SHLD3: variants seen among roughly 807,000 people sequenced by gnomAD.
The protein encoded by SHLD3 is shieldin complex subunit 3.
In SHLD3, 15 loss-of-function variants were observed where a neutral mutation model predicts 21.4. The observed-to-expected ratio is 0.70, with a 90% CI of 0.47 to 1.08. SHLD3 has a LOEUF of 1.08. Ranked by LOEUF, SHLD3 falls within the 50% of genes least tolerant of loss-of-function variation. SHLD3 has a pLI of 0.00. For synonymous variants in SHLD3, 103 were observed against 97.2 expected (o/e 1.06, Z -0.35); for missense variants, 273 against 286.1 (o/e 0.95, Z 0.33).
In SHLD3 at chr5:65,629,857, A is replaced by G. The variant is rs184766347; in HGVS notation, c.270A>G (p.Leu90=). Residue 90 remains leucine (L), a synonymous_variant, in exon 2 of 2, where the codon CTA becomes CTG. Coordinates refer to ENST00000510585, the MANE Select transcript of SHLD3 (RefSeq NM_001365341.2). ...KSHSYDCTVD[L]LEFQPSLKKQ... ...ACAGTTATGATTGCACAGTAGATCT[A>G]TTGGAGTTTCAACCTAGCTTGAAAA... 9.8e-6 allele frequency: 15 copies of G among 1,536,088 alleles called. No homozygotes were observed. The highest frequency in any genetic ancestry group is 2.0e-5 in the Admixed American group (1 of 50,998).
intron 1 of SHLD3, 146 bp downstream of exon 1, chr5:65,625,252 A>G: frequency 5.7e-6 from 4 of 699,204 alleles, no homozygotes; most frequent in Non-Finnish European, 1.0e-5. Flanking sequence ...GGAGGAAGCG[A>G]TTTCTCCTGG....
chr5:65,629,600 G>T lies in SHLD3; in HGVS notation c.13G>T (p.Val5Leu), dbSNP rs1267774077. MTTEVILHYRPCESD... is the reference protein window; with the variant it reads MTTELILHYRPCESD... ...GGATTACTGCAGAATGACTACAGAA[G>T]TAATATTACATTATCGACCATGTGA... is the stretch of plus-strand genomic sequence containing the variant. Residue 5 changes from valine to leucine, a missense_variant, in exon 2 of 2, where the codon GTA becomes TTA. Physicochemically the swap from Val to Leu is conservative, Grantham distance 32. Transcript: ENST00000510585. 1 of 1,531,550 alleles carries T rather than the reference G, an allele frequency of 6.5e-7. No individual in the cohort carries two copies. 94.9% of individuals were successfully genotyped at this position (1,531,550 alleles called of 1,614,324 possible).
At chr5:65,626,968 C>T (rs181444791) in intron 1 of SHLD3, among the ~76,000 whole-genome samples, 6 of 151,446 alleles carry the variant, frequency 4.0e-5, no homozygotes, top group Middle Eastern at 3.4e-3. Context: ...GGCGAAAACC[C>T]GTCTATACCA....
intron 1 of SHLD3, among the ~76,000 whole-genome samples, chr5:65,627,154 A>AAAAAG (rs1755279754): frequency 2.0e-5 from 3 of 150,264 alleles, no homozygotes; most frequent in Non-Finnish European, 4.4e-5. Flanking sequence ...AAAAAAAAAA[A>AAAAAG]AAAGAACAAT....
At chr5:65,626,904 G>A (rs962166785) in intron 1 of SHLD3, among the ~76,000 whole-genome samples, 20 of 151,944 alleles carry the variant, frequency 1.3e-4, no homozygotes, top group African/African-American at 4.8e-4. Context: ...ACTTTGGGAG[G>A]CCGAGGCTGG....
intron 1 of SHLD3, among the ~76,000 whole-genome samples, chr5:65,627,223 C>G (rs757119418): frequency 4.6e-5 from 7 of 150,894 alleles, no homozygotes; most frequent in Non-Finnish European, 1.0e-4. Flanking sequence ...TTTATTAAAC[C>G]TCTTTAGTAC....
At chr5:65,627,151 A>AAAAAAAAAAAAAAAAAAAAAAAAAAC (rs1755279303) in intron 1 of SHLD3, among the ~76,000 whole-genome samples, 1 of 149,950 alleles carries the variant, frequency 6.7e-6, no homozygotes. Flanking sequence ...AAAAAAAAAA[A>AAAAAAAAAAAAAAAAAAAAAAAAAAC]AAAAAAGAAC....
chr5:65,626,558 A>C (rs1483992167), intron 1 of SHLD3, among the ~76,000 whole-genome samples: 1 of 152,176 alleles, frequency 6.6e-6, no homozygotes, highest in Non-Finnish European at 1.5e-5. Flanking sequence ...TAACATAGTG[A>C]AACCCCGTCT....
chr5:65,630,356 G>C lies in SHLD3; in HGVS notation c.*16G>C. 6.8e-7 allele frequency: 1 copy of C among 1,469,738 alleles called. No individual in the cohort carries two copies. Among genetic ancestry groups the C allele is most frequent in the Non-Finnish European group, 9.0e-7 (1 of 1,114,416 alleles). 91.0% of individuals were successfully genotyped at this position (1,469,738 alleles called of 1,614,324 possible). On this transcript the variant is annotated 3_prime_UTR_variant, in exon 2 of 2. Coordinates refer to ENST00000510585, the MANE Select transcript of SHLD3 (RefSeq NM_001365341.2). ...TAGTATGTAATGAATTCCACTGATT[G>C]TCAAAAAGAATATTCTGAATGAAAT...
intron 1 of SHLD3, chr5:65,626,238 T>G (rs1253984073): frequency 6.6e-6 from 1 of 152,224 alleles, no homozygotes; most frequent in Non-Finnish European, 1.5e-5. Context: ...TCTCAGAGTT[T>G]AAGTAACTTT....
chr5:65,630,660 T>G lies in SHLD3; in HGVS notation c.*320T>G. The stretch of plus-strand genomic sequence containing the variant: ...TCTAATTTTACTGTATTTTTTTCCT[T>G]ACCTCAAGTGTAATTTTTTAAAAAA... On this transcript the variant is annotated 3_prime_UTR_variant, in exon 2 of 2. Transcript: ENST00000510585. 9.9e-7 allele frequency: 1 copy of G among 1,011,906 alleles called. No homozygotes were observed. The highest frequency in any genetic ancestry group is 1.2e-6 in the Non-Finnish European group (1 of 845,986). The allele number at this position is 1,011,906 out of a possible 1,614,324, so 62.7% of individuals were successfully genotyped here.
In SHLD3 at chr5:65,630,381, T is replaced by C. The variant is rs910433464; in HGVS notation, c.*41T>C. 12 of 1,440,800 alleles carry C rather than the reference T, an allele frequency of 8.3e-6. No individual in the cohort carries two copies. In the East Asian group the frequency reaches 1.5e-4, roughly 18 times the overall value. 89.3% of individuals were successfully genotyped at this position (1,440,800 alleles called of 1,614,324 possible). Reference sequence around the variant, plus strand: ...GTCAAAAAGAATATTCTGAATGAAATGAATATGGATTGAAATAGATAAAAT... The same window carrying C: ...GTCAAAAAGAATATTCTGAATGAAACGAATATGGATTGAAATAGATAAAAT... On this transcript the variant is annotated 3_prime_UTR_variant, in exon 2 of 2. Coordinates refer to ENST00000510585, the MANE Select transcript of SHLD3 (RefSeq NM_001365341.2).
In SHLD3 at chr5:65,629,814, A is replaced by G. The variant is rs1247102375; in HGVS notation, c.227A>G (p.Glu76Gly). The G allele has an allele frequency of 1.3e-6, 2 of 1,535,992 alleles. No homozygotes were observed. Among genetic ancestry groups the G allele is most frequent in the Admixed American group, 2.0e-5 (1 of 50,986 alleles). Residue 76 changes from glutamate to glycine, a missense_variant, in exon 2 of 2, where the codon GAA becomes GGA. Physicochemically the swap from Glu to Gly is moderately conservative, Grantham distance 98. Coordinates refer to ENST00000510585, the MANE Select transcript of SHLD3 (RefSeq NM_001365341.2). ...GTGAAACAGTACTTAACCATTTCAG[A>G]ACATGATGCTAAGTCACACAGTTAT... ...EDVKQYLTIS[E>G]HDAKSHSYDC...
intron 1 of SHLD3, among the ~76,000 whole-genome samples, chr5:65,627,845 A>C (rs1388497958): frequency 6.6e-6 from 1 of 152,238 alleles, no homozygotes; most frequent in Non-Finnish European, 1.5e-5. Flanking sequence ...GAGAGTTGTC[A>C]GATCTGTTAG....
At position 65,630,362 on chromosome 5, in the gene SHLD3, A is replaced by G; in HGVS notation, c.*22A>G. ...GTAATGAATTCCACTGATTGTCAAA[A>G]AGAATATTCTGAATGAAATGAATAT... On this transcript the variant is annotated 3_prime_UTR_variant, in exon 2 of 2. Coordinates refer to ENST00000510585, the MANE Select transcript of SHLD3 (RefSeq NM_001365341.2). 2 of 1,465,570 alleles carry G rather than the reference A, an allele frequency of 1.4e-6. No individual in the cohort carries two copies. Among genetic ancestry groups the G allele is most frequent in the Non-Finnish European group, 1.8e-6 (2 of 1,113,808 alleles). The allele number at this position is 1,465,570 out of a possible 1,614,324, so 90.8% of individuals were successfully genotyped here.
intron 1 of SHLD3, 55 bp downstream of exon 1, chr5:65,625,161 A>AT: frequency 6.9e-7 from 1 of 1,459,558 alleles, no homozygotes; most frequent in Non-Finnish European, 9.6e-7. Flanking sequence ...TTCCCTACTT[A>AT]TCGAAGCCTT....
rs1341391336 is a variant in SHLD3 at position 65,630,103 on chromosome 5, A to G, written c.516A>G (p.Glu172=). ...TTTATAGAGCAAGATGGACAATAGAACACACTATTTGTAACAGCCAAACTC... is the reference window on the plus strand; with the variant it reads ...TTTATAGAGCAAGATGGACAATAGAGCACACTATTTGTAACAGCCAAACTC... ...HSLYRARWTI[E]HTICNSQTLE... Residue 172 remains glutamate, a synonymous_variant, in exon 2 of 2, where the codon GAA becomes GAG. Transcript: ENST00000510585. 2.6e-6 allele frequency: 4 copies of G among 1,535,992 alleles called. No homozygotes were observed. Among genetic ancestry groups the G allele is most frequent in the African/African-American group, 2.7e-5 (2 of 73,054 alleles).
chr5:65,629,602 AAT>A lies in SHLD3; in HGVS notation c.18_19del (p.Leu7ThrfsTer6), dbSNP rs1176598893. The A allele has an allele frequency of 6.5e-7, 1 of 1,532,138 alleles. No individual in the cohort carries two copies. The highest frequency in any genetic ancestry group is 8.7e-7 in the Non-Finnish European group (1 of 1,144,934). The allele number at this position is 1,532,138 out of a possible 1,614,324, so 94.9% of individuals were successfully genotyped here. On this transcript the variant is annotated frameshift_variant, in exon 2 of 2. Coordinates refer to ENST00000510585, the MANE Select transcript of SHLD3 (RefSeq NM_001365341.2). LOFTEE classifies it high-confidence loss of function. ...ATTACTGCAGAATGACTACAGAAGT[AAT>A]ATTACATTATCGACCATGTGAGAGT... The part of the protein sequence containing the change: MTTEV[I>X]LHYRPCESDP...
intron 1 of SHLD3, among the ~76,000 whole-genome samples, chr5:65,628,531 C>T (rs953828142): frequency 1.2e-4 from 18 of 150,140 alleles, no homozygotes; most frequent in Admixed American, 6.7e-4. Flanking sequence ...AGTACGATGG[C>T]GCGATCTCAG....
Sources: allele counts gnomAD v4.1 joint callset (sites outside exome capture counted in the v4.1 genomes callset), GRCh38; gene constraint gnomAD v4.1.1; transcripts MANE v1.5; gene names NCBI Gene and HGNC (gene_info 2026-07-23, HGNC 2026-07-21).